The following NAALADL2 variants were observed in gnomAD, a reference collection of about 807,000 sequenced individuals.
NAALADL2 encodes inactive N-acetylated-alpha-linked acidic dipeptidase-like protein 2.
NAALADL2 carries 76 observed loss-of-function variants against 87.2 expected under a neutral mutation model. That is an observed-to-expected ratio of 0.87 (90% CI 0.72 to 1.05). The LOEUF is 1.05. NAALADL2 is among the 50% of genes least tolerant of loss of function. NAALADL2 has a pLI of 0.00. For synonymous variants in NAALADL2, 354 were observed against 331.0 expected, an observed-to-expected ratio of 1.07 and a Z score of -0.75; for missense variants, 1,089 against 945.8, an observed-to-expected ratio of 1.15 and a Z score of -1.99.
chr3:174,767,379 G>T (rs1470726651), intron 3 of NAALADL2, among the ~76,000 whole-genome samples: 1 of 152,088 alleles, frequency 6.6e-6, no homozygotes, highest in Non-Finnish European at 1.5e-5. Flanking sequence ...ACTTTTACCA[G>T]GAAACACATC....
At chr3:175,762,686 C>T (rs1260964033) in intron 13 of NAALADL2, among the ~76,000 whole-genome samples, 1 of 152,116 alleles carries the variant, frequency 6.6e-6, no homozygotes, top group Non-Finnish European at 1.5e-5. Flanking sequence ...AATATATTGT[C>T]CTTCCCTTTA....
At chr3:174,921,707 A>T (rs1735211330) in intron 1 of NAALADL2, among the ~76,000 whole-genome samples, 2 of 149,450 alleles carry the variant, frequency 1.3e-5, no homozygotes, top group South Asian at 4.3e-4. Context: ...TGAGAGGCTG[A>T]GGCAGGAGAA....
intron 3 of NAALADL2, among the ~76,000 whole-genome samples, chr3:174,825,839 A>C (rs1721920495): frequency 1.3e-5 from 2 of 152,154 alleles, no homozygotes; most frequent in South Asian, 4.1e-4. Context: ...CATCCTGGCT[A>C]ACACGGTGAA....
chr3:174,458,736 C>G (rs1417078182), intron 1 of NAALADL2: 2 of 152,198 alleles, frequency 1.3e-5, no homozygotes, highest in Admixed American at 6.6e-5. Flanking sequence ...TCATCTAATA[C>G]TGTTACACTT....
intron 2 of NAALADL2, among the ~76,000 whole-genome samples, chr3:175,140,490 AG>A (rs1384923886): frequency 6.6e-6 from 1 of 152,172 alleles, no homozygotes; most frequent in African/African-American, 2.4e-5. Context: ...ACCACCTTGA[AG>A]GGTCAAGGTT....
intron 5 of NAALADL2, among the ~76,000 whole-genome samples, chr3:175,434,610 G>A (rs1224108654): frequency 6.6e-6 from 1 of 152,006 alleles, no homozygotes; most frequent in African/African-American, 2.4e-5. Flanking sequence ...GATCTGGTAT[G>A]AAGAATTAAT....
Position 175,127,595 on chromosome 3 carries a change from A to T in NAALADL2, c.545+30304A>T, listed in dbSNP as rs561733042. On this transcript the variant is annotated intron_variant, in intron 2 of 13. Transcript: ENST00000454872. Reference sequence around the variant, plus strand: ...TTTCAGTTAAACTATCATCTTAATTACACATTTTGTGACCCCTTATCTGGA... The same window carrying T: ...TTTCAGTTAAACTATCATCTTAATTTCACATTTTGTGACCCCTTATCTGGA... 2.0e-5 allele frequency among the ~76,000 whole-genome samples: 3 copies of T among 152,348 alleles called. No individual in the cohort carries two copies. In the South Asian group the frequency reaches 6.2e-4, roughly 32 times the overall value.
chr3:175,715,974 CTGTT>C (rs1253027940), intron 11 of NAALADL2, among the ~76,000 whole-genome samples: 3 of 151,520 alleles, frequency 2.0e-5, no homozygotes, highest in Non-Finnish European at 4.4e-5. Flanking sequence ...CATTCAGTAA[CTGTT>C]TATTTAAACC....
chr3:175,233,428 G>A (rs1256552838), intron 2 of NAALADL2, among the ~76,000 whole-genome samples: 1 of 152,018 alleles, frequency 6.6e-6, no homozygotes, highest in East Asian at 1.9e-4. Context: ...GGGTTTTTTT[G>A]TTTTGTTTTG....
At chr3:174,537,732 G>A (rs1323658697) in intron 1 of NAALADL2, among the ~76,000 whole-genome samples, 1 of 152,088 alleles carries the variant, frequency 6.6e-6, no homozygotes. Flanking sequence ...TTGCAGAAAG[G>A]GACAGATTGT....
chr3:175,185,647 G>A (rs1286636763), intron 2 of NAALADL2, among the ~76,000 whole-genome samples: 1 of 151,552 alleles, frequency 6.6e-6, no homozygotes, highest in South Asian at 2.1e-4. Flanking sequence ...CTTTGATGTG[G>A]AAGGAAGATT....
intron 3 of NAALADL2, among the ~76,000 whole-genome samples, chr3:174,815,866 T>G (rs1438555157): frequency 6.9e-6 from 1 of 144,576 alleles, no homozygotes; most frequent in Non-Finnish European, 1.5e-5. Context: ...TTAAGTTTCC[T>G]TTGGTAGAAG....
At chr3:175,148,564 A>G (rs1400765803) in intron 2 of NAALADL2, among the ~76,000 whole-genome samples, 3 of 152,034 alleles carry the variant, frequency 2.0e-5, no homozygotes, top group Non-Finnish European at 4.4e-5. Context: ...TAGGATTCTT[A>G]TAGTTTGGGG....
At chr3:174,707,698 G>T (rs1402139589) in intron 2 of NAALADL2, among the ~76,000 whole-genome samples, 1 of 151,776 alleles carries the variant, frequency 6.6e-6, no homozygotes, top group East Asian at 1.9e-4. Context: ...TAATGTGAAT[G>T]ACGAGTTACT....
chr3:174,957,933 C>A (rs1247134300), intron 1 of NAALADL2, among the ~76,000 whole-genome samples: 1 of 151,946 alleles, frequency 6.6e-6, no homozygotes, highest in Non-Finnish European at 1.5e-5. Context: ...TTGGCAAACT[C>A]ATTTTTCCCC....
At chr3:175,433,144 T>C (rs537653645) in intron 5 of NAALADL2, among the ~76,000 whole-genome samples, 1 of 152,150 alleles carries the variant, frequency 6.6e-6, no homozygotes. Context: ...GCCACAAATA[T>C]ACAATCAAAT....
chr3:174,759,389 T>C (rs1712591922), intron 3 of NAALADL2, among the ~76,000 whole-genome samples: 1 of 152,216 alleles, frequency 6.6e-6, no homozygotes. Flanking sequence ...AAGACAAAAT[T>C]CTCATTTCCC....
intron 1 of NAALADL2, among the ~76,000 whole-genome samples, chr3:174,540,240 T>G (rs1302079781): frequency 2.0e-5 from 3 of 152,168 alleles, no homozygotes; most frequent in Non-Finnish European, 4.4e-5. Context: ...TAAACATCTG[T>G]GAGCTAGGCG....
intron 3 of NAALADL2, among the ~76,000 whole-genome samples, chr3:174,816,184 T>C (rs887487171): frequency 1.3e-5 from 2 of 152,038 alleles, no homozygotes; most frequent in African/African-American, 4.8e-5. Context: ...CTTTCCATTC[T>C]ACTCCTATCC....
Sources: allele counts gnomAD v4.1 joint callset (sites outside exome capture counted in the v4.1 genomes callset), GRCh38; gene constraint gnomAD v4.1.1; transcripts MANE v1.5; gene names NCBI Gene and HGNC (gene_info 2026-07-23, HGNC 2026-07-21).